TJP1: variants seen among roughly 807,000 people sequenced by gnomAD.
TJP1 encodes tight junction protein 1.
In TJP1, 43 loss-of-function variants were observed where a neutral mutation model predicts 194.2. That is an observed-to-expected ratio of 0.22 (90% confidence interval 0.17 to 0.29). The LOEUF is 0.29. TJP1 is among the 10% of genes least tolerant of loss of function. The pLI, the probability that TJP1 is intolerant of heterozygous loss-of-function variation, is 1.00. For missense variants in TJP1, 1,971 were observed against 2,185.7 expected (o/e 0.90, Z 1.96); for synonymous variants, 801 against 779.0 (o/e 1.03, Z -0.47).
At chr15:29,754,984 T>C (rs1238722207) in intron 8 of TJP1, among the ~76,000 whole-genome samples, 3 of 152,108 alleles carry the variant, frequency 2.0e-5, no homozygotes, top group Admixed American at 6.5e-5. Context: ...GGTGTGTAAA[T>C]AAAAAACTAG....
chr15:29,863,110 C>A (rs1200901523), intron 2 of TJP1, among the ~76,000 whole-genome samples: 1 of 151,498 alleles, frequency 6.6e-6, no homozygotes, highest in Non-Finnish European at 1.5e-5. Context: ...GCCTGGCCAA[C>A]ATGGTGAAAC....
chr15:29,828,717 G>C (rs1457607379), intron 2 of TJP1, among the ~76,000 whole-genome samples: 1 of 147,348 alleles, frequency 6.8e-6, no homozygotes, highest in East Asian at 2.0e-4. Context: ...GTGTTCTTTG[G>C]AACTGAATGA....
intron 8 of TJP1, among the ~76,000 whole-genome samples, chr15:29,752,429 A>G (rs1208508819): frequency 1.3e-5 from 2 of 152,208 alleles, no homozygotes; most frequent in South Asian, 2.1e-4. Flanking sequence ...AACGGGATAT[A>G]TGATAAATAT....
At chr15:29,893,769 T>C (rs1456060854) in intron 2 of TJP1, among the ~76,000 whole-genome samples, 2 of 152,210 alleles carry the variant, frequency 1.3e-5, no homozygotes, top group African/African-American at 4.8e-5. Flanking sequence ...ACCAAAATAT[T>C]AGTATGACTG....
chr15:29,889,804 TTCAG>T (rs1190995000), intron 2 of TJP1, among the ~76,000 whole-genome samples: 3 of 152,224 alleles, frequency 2.0e-5, no homozygotes, highest in Non-Finnish European at 2.9e-5. Flanking sequence ...TGAGACATTA[TTCAG>T]TCAAAGTGGT....
intron 10 of TJP1, among the ~76,000 whole-genome samples, chr15:29,737,933 T>C (rs2044144665): frequency 6.6e-6 from 1 of 152,134 alleles, no homozygotes; most frequent in Admixed American, 6.6e-5. Flanking sequence ...GTTGGTGGAG[T>C]CTTTCAGTAG....
At chr15:29,921,411 ATCAGCCCCC>A (rs2054353818) in intron 2 of TJP1, among the ~76,000 whole-genome samples, 1 of 152,170 alleles carries the variant, frequency 6.6e-6, no homozygotes, top group Non-Finnish European at 1.5e-5. Context: ...ACAGAGATTT[ATCAGCCCCC>A]TCAGCACCTT....
chr15:29,883,253 T>A (rs2052999963), intron 2 of TJP1, among the ~76,000 whole-genome samples: 1 of 150,750 alleles, frequency 6.6e-6, no homozygotes, highest in South Asian at 2.2e-4. Context: ...GCCTTGGGAC[T>A]TAAGTGACGC....
intron 1 of TJP1, among the ~76,000 whole-genome samples, chr15:29,961,628 G>A (rs1405671201): frequency 1.3e-5 from 2 of 152,084 alleles, no homozygotes; most frequent in African/African-American, 4.8e-5. Flanking sequence ...GAAGTCCAGG[G>A]CCCACCCTCT....
At position 29,948,176 on chromosome 15, in the gene TJP1, C is replaced by T. The variant is rs372880096; in HGVS notation, c.306+8056G>A. Among the ~76,000 whole-genome samples the T allele has an allele frequency of 4.6e-5, 7 of 151,364 alleles. No homozygotes were observed. The South Asian group carries it at 1.3e-3, about 27-fold the overall frequency. Reference sequence around the variant, plus strand: ...GTCACTCCTGCTGAGGCAGGAGAATCGCTTGAACCCAGCAGGCGGAGGTTG... The same window carrying T: ...GTCACTCCTGCTGAGGCAGGAGAATTGCTTGAACCCAGCAGGCGGAGGTTG... On this transcript the variant is annotated intron_variant, in intron 2 of 28. Transcript: ENST00000356107.
intron 2 of TJP1, among the ~76,000 whole-genome samples, chr15:29,830,004 A>AT (rs1325170391): frequency 1.3e-5 from 2 of 151,990 alleles, no homozygotes; most frequent in South Asian, 4.2e-4. Flanking sequence ...AAATTCTTAC[A>AT]TTAAAAAAAA....
intron 2 of TJP1, among the ~76,000 whole-genome samples, chr15:29,913,650 T>TA (rs1460841753): frequency 6.6e-6 from 1 of 152,090 alleles, no homozygotes. Context: ...TTTCTGGACT[T>TA]AAAAATAACT....
chr15:29,718,000 AAG>A lies in TJP1; in HGVS notation c.3974+19_3974+20del. 1.3e-6 allele frequency: 2 copies of A among 1,596,272 alleles called. No homozygotes were observed. The highest frequency in any genetic ancestry group is 8.6e-7 in the Non-Finnish European group (1 of 1,169,102). ...AATTCCTGGTCAGTTCTATGCCACA[AAG>A]AGCACAAAGTGTACTCACCTGTACA... On this transcript the variant is annotated intron_variant, in intron 22 of 27. Coordinates refer to ENST00000614355, the MANE Select transcript of TJP1 (RefSeq NM_001330239.4).
At chr15:29,762,662 C>CTGA (rs1021731951) in intron 5 of TJP1, among the ~76,000 whole-genome samples, 1 of 152,156 alleles carries the variant, frequency 6.6e-6, no homozygotes, top group Non-Finnish European at 1.5e-5. Context: ...AAACGAAGGA[C>CTGA]TGATAGACCG....
intron 16 of TJP1, 42 bp from the exon 17 acceptor site, chr15:29,727,033 CATTA>C (rs772133496): frequency 6.4e-7 from 1 of 1,569,570 alleles, no homozygotes; most frequent in South Asian, 1.1e-5. Context: ...CACAAGACAT[CATTA>C]ATTAAGAATC....
intron 22 of TJP1, among the ~76,000 whole-genome samples, chr15:29,717,200 T>TA (rs1368447916): frequency 9.8e-5 from 15 of 152,316 alleles, no homozygotes; most frequent in Admixed American, 1.3e-4. Flanking sequence ...CAGTAAATGA[T>TA]AGACTTTAAG....
At chr15:29,758,148 C>G (rs2045767469) in intron 8 of TJP1, among the ~76,000 whole-genome samples, 1 of 152,138 alleles carries the variant, frequency 6.6e-6, no homozygotes, top group African/African-American at 2.4e-5. Context: ...CAGTAAGCTT[C>G]CACTCAACAG....
intron 2 of TJP1, among the ~76,000 whole-genome samples, chr15:29,912,432 G>A (rs756248382): frequency 2.0e-5 from 3 of 152,154 alleles, no homozygotes; most frequent in East Asian, 3.9e-4. Context: ...GCTTGGGGCC[G>A]GGCGTGGTGG....
chr15:29,785,626 T>C (rs2047651079), intron 2 of TJP1, among the ~76,000 whole-genome samples: 1 of 152,240 alleles, frequency 6.6e-6, no homozygotes, highest in African/African-American at 2.4e-5. Context: ...GCCTTTTATT[T>C]TATTCTTCCA....
Sources: allele counts gnomAD v4.1 joint callset (sites outside exome capture counted in the v4.1 genomes callset), GRCh38; gene constraint gnomAD v4.1.1; transcripts MANE v1.5; gene names NCBI Gene and HGNC (gene_info 2026-07-23, HGNC 2026-07-21).